CNBD1: variants seen among roughly 807,000 people sequenced by gnomAD.
CNBD1 encodes the protein cyclic nucleotide binding domain containing 1, also known as cyclic nucleotide-binding domain-containing protein 1.
CNBD1 carries 71 observed loss-of-function variants against 54.4 expected under a neutral mutation model. The observed-to-expected ratio is 1.30, with a 90% confidence interval of 1.08 to 1.59. The LOEUF (loss-of-function observed/expected upper bound fraction) is 1.59, where lower values mean the gene tolerates loss of function less well. Among genes scored for constraint, CNBD1 ranks in the 40% most tolerant of loss-of-function variants. CNBD1 has a pLI of 0.00. For missense variants in CNBD1, 659 were observed against 518.0 expected (o/e 1.27, Z -2.64); for synonymous variants, 182 against 170.7 (o/e 1.07, Z -0.51).
chr8:86,943,726 A>ATG (rs1807393989), intron 4 of CNBD1, among the ~76,000 whole-genome samples: 1 of 152,108 alleles, frequency 6.6e-6, no homozygotes, highest in African/African-American at 2.4e-5. Context: ...ATCAGATTGA[A>ATG]TATAAGCTTA....
chr8:87,414,025 T>G, intron 2 of CNBD1, among the ~76,000 whole-genome samples: 1 of 152,110 alleles, frequency 6.6e-6, no homozygotes, highest in East Asian at 1.9e-4. Context: ...TTACTGGGTA[T>G]ATACCCAAAG....
chr8:86,974,605 A>G (rs1808299868), intron 4 of CNBD1, among the ~76,000 whole-genome samples: 1 of 152,060 alleles, frequency 6.6e-6, no homozygotes, highest in Non-Finnish European at 1.5e-5. Context: ...CTATCATCAT[A>G]TTTGAACCTC....
chr8:87,187,323 A>C (rs1261194950), intron 4 of CNBD1, among the ~76,000 whole-genome samples: 1 of 152,012 alleles, frequency 6.6e-6, no homozygotes, highest in African/African-American at 2.4e-5. Flanking sequence ...TGTCTTTGCT[A>C]TGCAGATATT....
intron 4 of CNBD1, among the ~76,000 whole-genome samples, chr8:87,190,479 A>G (rs578030339): frequency 6.6e-6 from 1 of 152,154 alleles, no homozygotes; most frequent in African/African-American, 2.4e-5. Flanking sequence ...GCCTTATTCC[A>G]TATTCTTTTT....
chr8:87,344,525 T>A (rs1810131198), intron 8 of CNBD1, among the ~76,000 whole-genome samples: 1 of 152,120 alleles, frequency 6.6e-6, no homozygotes, highest in Non-Finnish European at 1.5e-5. Flanking sequence ...TGAAATATGA[T>A]TTTACATATA....
intron 4 of CNBD1, among the ~76,000 whole-genome samples, chr8:87,167,271 G>A (rs1812982871): frequency 6.6e-6 from 1 of 151,838 alleles, no homozygotes; most frequent in Non-Finnish European, 1.5e-5. Flanking sequence ...GATCAAATCA[G>A]GGTACTTAGT....
intron 4 of CNBD1, among the ~76,000 whole-genome samples, chr8:87,086,377 G>A (rs1316543473): frequency 6.6e-6 from 1 of 152,162 alleles, no homozygotes; most frequent in East Asian, 1.9e-4. Flanking sequence ...ATTTATGCAA[G>A]AAAAGTTATG....
chr8:87,321,847 C>A (rs985115498), intron 8 of CNBD1, among the ~76,000 whole-genome samples: 1 of 148,250 alleles, frequency 6.7e-6, no homozygotes, highest in African/African-American at 2.5e-5. Context: ...TACATGTGCA[C>A]ATTGTGCAGG....
intron 3 of CNBD1, among the ~76,000 whole-genome samples, chr8:86,908,492 G>A (rs908277090): frequency 6.6e-6 from 1 of 152,002 alleles, no homozygotes; most frequent in Non-Finnish European, 1.5e-5. Flanking sequence ...CTCAGAAAAG[G>A]GCAGACAATA....
At chr8:87,086,970 G>A (rs1011060228) in intron 4 of CNBD1, among the ~76,000 whole-genome samples, 1 of 151,766 alleles carries the variant, frequency 6.6e-6, no homozygotes, top group Admixed American at 6.6e-5. Flanking sequence ...AAGACAGTAA[G>A]ATTTTATGCA....
In CNBD1 at chr8:87,066,728, G is replaced by A. The variant is rs1314964383; in HGVS notation, c.431+126974G>A. ...AAGTATTTAGAATTTTATAAATTCTGTAAAAATTGCTTCAATTAGAATATA... is the reference window on the plus strand; with the variant it reads ...AAGTATTTAGAATTTTATAAATTCTATAAAAATTGCTTCAATTAGAATATA... On this transcript the variant is annotated intron_variant, in intron 4 of 10. Coordinates refer to ENST00000518476, the MANE Select transcript of CNBD1 (RefSeq NM_173538.3). Among the ~76,000 whole-genome samples, 3 of 151,758 alleles carry A rather than the reference G, an allele frequency of 2.0e-5. No homozygotes were observed. The East Asian group carries it at 5.8e-4, about 29-fold the overall frequency.
chr8:87,014,367 C>T (rs1809308799), intron 4 of CNBD1, among the ~76,000 whole-genome samples: 1 of 151,308 alleles, frequency 6.6e-6, no homozygotes, highest in Non-Finnish European at 1.5e-5. Context: ...AACGATAAAA[C>T]CCAGCCCAAG....
chr8:87,057,949 T>G (rs1275630858), intron 4 of CNBD1, among the ~76,000 whole-genome samples: 2 of 151,986 alleles, frequency 1.3e-5, no homozygotes, highest in African/African-American at 4.8e-5. Context: ...AAAGTCCAAG[T>G]TCAAAGTGTC....
intron 4 of CNBD1, among the ~76,000 whole-genome samples, chr8:87,028,933 A>G (rs995763613): frequency 2.6e-5 from 4 of 152,198 alleles, no homozygotes; most frequent in Admixed American, 2.0e-4. Context: ...CCTTTTCTCT[A>G]CATCCTTTCT....
rs1808757726 is a variant in CNBD1 at position 87,289,931 on chromosome 8, T to TA, written c.1042+3261dup. 5.9e-5 allele frequency among the ~76,000 whole-genome samples: 9 copies of TA among 152,260 alleles called. 1 individual carries two copies. The South Asian group carries it at 1.7e-3, about 28-fold the overall frequency. ...AGTACCTGTGATGGTGATGCCTTTT[T>TA]ATTCCTTCATTCATCCTTCACTGGT... is the stretch of plus-strand genomic sequence containing the variant. On this transcript the variant is annotated intron_variant, in intron 8 of 10. Coordinates refer to ENST00000518476, the MANE Select transcript of CNBD1 (RefSeq NM_173538.3).
intron 6 of CNBD1, among the ~76,000 whole-genome samples, chr8:87,283,550 G>A (rs1808636680): frequency 6.6e-6 from 1 of 151,974 alleles, no homozygotes; most frequent in Non-Finnish European, 1.5e-5. Flanking sequence ...TTTCAGCTTT[G>A]GGTCTTCTAC....
intron 6 of CNBD1, among the ~76,000 whole-genome samples, chr8:87,240,936 C>G (rs567951723): frequency 6.6e-6 from 1 of 152,150 alleles, no homozygotes; most frequent in South Asian, 2.1e-4. Context: ...AGGGTTGTTC[C>G]CTTTTCGTAC....
chr8:86,991,766 G>T (rs1808754808), intron 4 of CNBD1, among the ~76,000 whole-genome samples: 1 of 152,084 alleles, frequency 6.6e-6, no homozygotes. Flanking sequence ...TAATTTTGTT[G>T]TTCAGCCAGA....
rs553646336 is a variant in CNBD1 at position 87,254,805 on chromosome 8, C to T, written c.771+17693C>T. ...ATTTTTCAGCACTCCTTTTATTTAG[C>T]GTTAGGTCAGTTCCTTGCTTTTACT... On this transcript the variant is annotated intron_variant, in intron 6 of 10. Transcript: ENST00000518476. Among the ~76,000 whole-genome samples the T allele has an allele frequency of 4.6e-5, 7 of 152,230 alleles. No homozygotes were observed. The South Asian group carries it at 8.3e-4, about 18-fold the overall frequency.
Sources: allele counts gnomAD v4.1 joint callset (sites outside exome capture counted in the v4.1 genomes callset), GRCh38; gene constraint gnomAD v4.1.1; transcripts MANE v1.5; gene names NCBI Gene and HGNC (gene_info 2026-07-23, HGNC 2026-07-21).